Variants in SZT2 observed in about 807,000 individuals in gnomAD.
SZT2 encodes KICSTOR complex protein SZT2.
In SZT2, 216 loss-of-function variants were observed where a neutral mutation model predicts 404.2. That is an observed-to-expected ratio of 0.53 (90% CI 0.48 to 0.60). The LOEUF (loss-of-function observed/expected upper bound fraction) is 0.60, where lower values mean the gene tolerates loss of function less well. Among genes scored for constraint, SZT2 ranks in the 20% least tolerant of loss-of-function variants. The pLI, the probability that SZT2 is intolerant of heterozygous loss-of-function variation, is 0.00. For missense variants in SZT2, 3,857 were observed against 4,459.2 expected (o/e 0.86, Z 3.85); for synonymous variants, 1,693 against 1,749.9 (o/e 0.97, Z 0.81).
Position 43,452,004 on chromosome 1 carries a change from C to G in SZT2, c.*1524C>G, listed in dbSNP as rs768169677. 1 of 1,608,024 alleles carries G rather than the reference C, an allele frequency of 6.2e-7. No individual in the cohort carries two copies. Among genetic ancestry groups the G allele is most frequent in the Non-Finnish European group, 8.5e-7 (1 of 1,176,204 alleles). On this transcript the variant is annotated 3_prime_UTR_variant, in exon 72 of 72. Coordinates refer to ENST00000634258, the MANE Select transcript of SZT2 (RefSeq NM_001365999.1). ...GTGTTGATGGGCTCCAGCAGTCCCA[C>G]GAGGTCCTCCTAGCAGCATGTCGGG...
rs766591951 is a variant in SZT2, at chr1:43,389,930, C to T, written c.-39C>T. 6.7e-7 allele frequency: 1 copy of T among 1,503,672 alleles called. No homozygotes were observed. The highest frequency in any genetic ancestry group is 1.3e-5 in the South Asian group (1 of 79,536). The allele number at this position is 1,503,672 out of a possible 1,614,324, so 93.1% of individuals were successfully genotyped here. Reference sequence around the variant, plus strand: ...GCGAGGTCAGGGGTCAAGAGTGGAACACCCTCACTGGCCCGGGCCGGCGCG... The same window carrying T: ...GCGAGGTCAGGGGTCAAGAGTGGAATACCCTCACTGGCCCGGGCCGGCGCG... On this transcript the variant is annotated 5_prime_UTR_variant, in exon 1 of 72. Transcript: ENST00000634258.
intron 65 of SZT2, 121 bp from the exon 66 acceptor site, chr1:43,446,834 G>T: frequency 9.6e-7 from 1 of 1,037,024 alleles, no homozygotes; most frequent in South Asian, 1.5e-5. Context: ...GGCAGAGGGC[G>T]TTCCACTAGG....
rs1166054224 is a variant in SZT2, at chr1:43,423,329, G to A, written c.2255+13G>A. On this transcript the variant is annotated intron_variant, in intron 15 of 71. Transcript: ENST00000634258. Reference sequence around the variant, plus strand: ...AACTGCTCATCAGGTTGGTACAGAGGTGTGGAAGGGCGTGGCTTAGCAGGG... The same window carrying A: ...AACTGCTCATCAGGTTGGTACAGAGATGTGGAAGGGCGTGGCTTAGCAGGG... 2.0e-6 allele frequency: 3 copies of A among 1,522,274 alleles called. No individual in the cohort carries two copies. The highest frequency in any genetic ancestry group is 2.6e-6 in the Non-Finnish European group (3 of 1,144,500). The allele number at this position is 1,522,274 out of a possible 1,614,324, so 94.3% of individuals were successfully genotyped here.
rs72883817 is a variant in SZT2, at chr1:43,431,581, A to G, written c.5088+58A>G. The G allele has an allele frequency of 3.9e-3, 6,212 of 1,609,388 alleles. 135 individuals are homozygous for G. The African/African-American group carries it at 0.049, about 13-fold the overall frequency. The stretch of plus-strand genomic sequence containing the variant: ...TCCCTTTCCATCGTATGAGTGAGAT[A>G]AGGTACCCCCTTTGTTCTGGGATAG... On this transcript the variant is annotated intron_variant, in intron 35 of 71. Coordinates refer to ENST00000634258, the MANE Select transcript of SZT2 (RefSeq NM_001365999.1).
Position 43,437,896 on chromosome 1 carries a change from C to A in SZT2, c.6502C>A (p.Gln2168Lys). 3 of 1,614,130 alleles carry A rather than the reference C, an allele frequency of 1.9e-6. No homozygotes were observed. Among genetic ancestry groups the A allele is most frequent in the Non-Finnish European group, 2.5e-6 (3 of 1,180,028 alleles). Reference protein sequence around the residue: ...HIQLLVHGVGQAGPEITDELV... With the variant: ...HIQLLVHGVGKAGPEITDELV... ...CCAGCTGCTGGTCCATGGTGTTGGG[C>A]AGGCAGGTAAGGTCTGAGGAGGGGG... The change falls in exon 46 of 72, where the codon CAG becomes AAG. Residue 2168 changes from glutamine to lysine, a missense_variant. Transcript: ENST00000634258. This position sits in a 1 kb window ranked among gnomAD's most constrained non-coding sequence, Gnocchi z 5.3.
chr1:43,448,946 A>C lies in SZT2; in HGVS notation c.10086+218A>C. The C allele has an allele frequency of 1.8e-6, 1 of 549,100 alleles. No homozygotes were observed. The highest frequency in any genetic ancestry group is 3.2e-6 in the Non-Finnish European group (1 of 307,978). The allele number at this position is 549,100 out of a possible 1,614,324, so 34.0% of individuals were successfully genotyped here. A position where few individuals can be genotyped will look rare whatever the true frequency, so the allele number is the denominator to read the frequency against. ...GCCCTCAAAGACTCACCAAGAATACAAGCCTTGGCTTGAGATCCTGAGGGC... is the reference window on the plus strand; with the variant it reads ...GCCCTCAAAGACTCACCAAGAATACCAGCCTTGGCTTGAGATCCTGAGGGC... On this transcript the variant is annotated intron_variant, in intron 70 of 71. Transcript: ENST00000634258. This position sits in a 1 kb window ranked among gnomAD's most constrained non-coding sequence, Gnocchi z 4.2.
chr1:43,447,313 C>A, intron 66 of SZT2, 145 bp downstream of exon 66: 1 of 1,130,826 alleles, frequency 8.8e-7, no homozygotes, highest in Non-Finnish European at 1.2e-6. Flanking sequence ...CCCCATGTTT[C>A]TGTCCTGTGT....
Position 43,450,080 on chromosome 1 carries a change from C to T in SZT2, c.10087-23C>T, listed in dbSNP as rs748486514. On this transcript the variant is annotated intron_variant, in intron 70 of 71. Transcript: ENST00000634258. The surrounding 1 kb of genome is among the most constrained non-coding windows in gnomAD (Gnocchi z 4.3). Reference sequence around the variant, plus strand: ...GTGGGAGGGTCTGTAGGGTCTGTGTCCCCTCCTCATCTTTCACTGCAGGTT... The same window carrying T: ...GTGGGAGGGTCTGTAGGGTCTGTGTTCCCTCCTCATCTTTCACTGCAGGTT... 1.9e-6 allele frequency: 3 copies of T among 1,613,944 alleles called. No individual in the cohort carries two copies. Among genetic ancestry groups the T allele is most frequent in the Non-Finnish European group, 2.5e-6 (3 of 1,179,872 alleles).
chr1:43,420,900 T>C lies in SZT2; in HGVS notation c.1413T>C (p.His471=), dbSNP rs1302415627. 1.4e-5 allele frequency: 23 copies of C among 1,598,348 alleles called. No homozygotes were observed. The highest frequency in any genetic ancestry group is 1.9e-5 in the Non-Finnish European group (22 of 1,179,816). The change falls in exon 10 of 72, where the codon CAT becomes CAC. Residue 471 remains histidine, a synonymous_variant. Coordinates refer to ENST00000634258, the MANE Select transcript of SZT2 (RefSeq NM_001365999.1). The surrounding 1 kb of genome is among the most constrained non-coding windows in gnomAD (Gnocchi z 5.1). ...VTMEGGYDIL[H]DVSCALRQPI... ...TGGAAGGCGGCTACGACATTTTGCA[T>C]GATGTGTCCTGTGCACTAAGGCAGC...
intron 39 of SZT2, 72 bp from the exon 40 acceptor site, chr1:43,432,917 A>T: frequency 1.3e-6 from 2 of 1,585,792 alleles, no homozygotes; most frequent in South Asian, 2.2e-5. Flanking sequence ...GCATCAAGCC[A>T]GATGCACCTG....
chr1:43,444,928 T>A (rs965021332), intron 62 of SZT2, among the ~76,000 whole-genome samples: 1 of 152,162 alleles, frequency 6.6e-6, no homozygotes, highest in Non-Finnish European at 1.5e-5. Flanking sequence ...GTTCCAACTC[T>A]CTCATGTTTC....
At chr1:43,394,002 C>A in intron 1 of SZT2, 2 of 796,698 alleles carry the variant, frequency 2.5e-6, no homozygotes, top group Non-Finnish European at 3.0e-6. Flanking sequence ...GAATCCAGGT[C>A]CCTGACCCCG....
intron 1 of SZT2, among the ~76,000 whole-genome samples, chr1:43,397,746 C>T (rs1170162924): frequency 6.6e-6 from 1 of 152,102 alleles, no homozygotes; most frequent in East Asian, 1.9e-4. Flanking sequence ...CCAGGCTGGT[C>T]TCGAGCTCCT....
intron 1 of SZT2, chr1:43,394,003 C>A: frequency 1.2e-6 from 1 of 811,458 alleles, no homozygotes; most frequent in Non-Finnish European, 1.5e-6. Context: ...AATCCAGGTC[C>A]CTGACCCCGA....
chr1:43,424,175 C>G lies in SZT2; in HGVS notation c.2256-42C>G, dbSNP rs377083750. The G allele has an allele frequency of 2.6e-6, 4 of 1,554,104 alleles. No individual in the cohort carries two copies. In the South Asian group the frequency reaches 4.6e-5, roughly 18 times the overall value. On this transcript the variant is annotated intron_variant, in intron 15 of 71. Coordinates refer to ENST00000634258, the MANE Select transcript of SZT2 (RefSeq NM_001365999.1). This position sits in a 1 kb window ranked among gnomAD's most constrained non-coding sequence, Gnocchi z 4.1. ...GAGGTGTGGAAGGGCGTGGCTTAGC[C>G]GGGGATGAGAGAGATAGCTGGGGAG... is the stretch of plus-strand genomic sequence containing the variant.
At chr1:43,402,578 A>G (rs573432606) in intron 1 of SZT2, among the ~76,000 whole-genome samples, 77 of 152,370 alleles carry the variant, frequency 5.1e-4, no homozygotes, top group African/African-American at 1.8e-3. Context: ...GACATGGGCA[A>G]GGGAACCGAT....
rs148714403 is a variant in SZT2, at chr1:43,428,265, A to C, written c.3945A>C (p.Ala1315=). The C allele has an allele frequency of 5.0e-6, 8 of 1,614,202 alleles. No homozygotes were observed. Among genetic ancestry groups the C allele is most frequent in the Non-Finnish European group, 6.8e-6 (8 of 1,180,034 alleles). The change falls in exon 28 of 72, where the codon GCA becomes GCC. Residue 1315 remains alanine, a synonymous_variant. Coordinates refer to ENST00000634258, the MANE Select transcript of SZT2 (RefSeq NM_001365999.1). ...GGCTATTCCGCAGCTTGCAGCAAGC[A>C]CAGAGTGTGACCTCCCAGGATTTGC... ...VRGLFRSLQQ[A]QSVTSQDLLT...
At chr1:43,418,867 G>T (rs1334339364) in intron 7 of SZT2, among the ~76,000 whole-genome samples, 2 of 152,208 alleles carry the variant, frequency 1.3e-5, no homozygotes, top group African/African-American at 4.8e-5. Flanking sequence ...GTGGGAGGAA[G>T]CTAAGGGAAT....
chr1:43,413,852 ATAGAGT>A (rs970640140), intron 4 of SZT2, among the ~76,000 whole-genome samples: 12 of 152,214 alleles, frequency 7.9e-5, no homozygotes, highest in African/African-American at 7.2e-5. Context: ...GGGTACAAAA[ATAGAGT>A]TAGAAAGAAT....
Sources: allele counts gnomAD v4.1 joint callset (sites outside exome capture counted in the v4.1 genomes callset), GRCh38; gene constraint gnomAD v4.1.1; non-coding constraint Gnocchi (gnomAD v3.1); transcripts MANE v1.5; gene names NCBI Gene and HGNC (gene_info 2026-07-23, HGNC 2026-07-21).